Variants in PAAF1 observed in about 807,000 individuals in gnomAD.
The protein encoded by PAAF1 is proteasomal ATPase-associated factor 1.
Under a neutral mutation model 52.8 loss-of-function variants are expected in PAAF1, and 46 were observed. The ratio of observed to expected loss-of-function variants is 0.87; its 90% CI spans 0.69 to 1.11. The LOEUF is 1.11. Among genes scored for constraint, PAAF1 ranks in the 50% most tolerant of loss-of-function variants. The pLI, the probability that PAAF1 is intolerant of heterozygous loss-of-function variation, is 0.00. For missense variants in PAAF1, 424 were observed against 477.4 expected (o/e 0.89, Z 1.04); for synonymous variants, 178 against 172.8 (o/e 1.03, Z -0.24).
chr11:73,899,550 T>C (rs1321008085), intron 5 of PAAF1, among the ~76,000 whole-genome samples: 1 of 152,014 alleles, frequency 6.6e-6, no homozygotes, highest in Admixed American at 6.6e-5. Context: ...TAGCTGAGAT[T>C]ACAGGCATGT....
chr11:73,892,325 CAA>C (rs150332375), intron 4 of PAAF1, among the ~76,000 whole-genome samples: 20 of 81,778 alleles, frequency 2.4e-4, no homozygotes, highest in Admixed American at 4.1e-4. Flanking sequence ...ACTGTCTCAC[CAA>C]AAAAAAAAAA....
rs941376744 is a variant in PAAF1 at position 73,927,590 on chromosome 11, G to A, written c.*228G>A. The A allele has an allele frequency of 6.2e-5, 36 of 580,414 alleles. No homozygotes were observed. The highest frequency in any genetic ancestry group is 5.2e-4 in the African/African-American group (28 of 53,474). The allele number at this position is 580,414 out of a possible 1,614,324, so 36.0% of individuals were successfully genotyped here. ...ACTGCATTTGTTCCAACTTCTCCTT[G>A]TATAAACTCACCCCAGCAACACAGG... On this transcript the variant is annotated 3_prime_UTR_variant, in exon 12 of 12. Transcript: ENST00000310571.
chr11:73,917,122 GC>G (rs1950089418), intron 9 of PAAF1, among the ~76,000 whole-genome samples: 1 of 152,132 alleles, frequency 6.6e-6, no homozygotes, highest in Admixed American at 6.6e-5. Flanking sequence ...CCGGGTTCAA[GC>G]AATTCTCCTG....
intron 11 of PAAF1, among the ~76,000 whole-genome samples, chr11:73,925,634 T>G (rs915341322): frequency 6.6e-6 from 1 of 152,194 alleles, no homozygotes; most frequent in Non-Finnish European, 1.5e-5. Flanking sequence ...ACTTCTAGAC[T>G]GATTTTTTCA....
chr11:73,889,196 C>G, intron 3 of PAAF1: 1 of 1,504,226 alleles, frequency 6.6e-7, no homozygotes, highest in Non-Finnish European at 8.9e-7. Flanking sequence ...TTTATCACTT[C>G]AAACATGATT....
At chr11:73,916,409 A>C (rs558946842) in intron 8 of PAAF1, 136 bp from the exon 9 acceptor site, 1 of 623,420 alleles carries the variant, frequency 1.6e-6, no homozygotes, top group African/African-American at 1.8e-5. Flanking sequence ...TGTGTAATTT[A>C]CCATTTGAGA....
intron 6 of PAAF1, among the ~76,000 whole-genome samples, chr11:73,908,721 A>G (rs1412428664): frequency 6.6e-6 from 1 of 151,906 alleles, no homozygotes; most frequent in Non-Finnish European, 1.5e-5. Context: ...TTCAAACTGA[A>G]TTAGCTTAGG....
At chr11:73,896,971 C>CG (rs1379035125) in intron 4 of PAAF1, among the ~76,000 whole-genome samples, 6 of 131,728 alleles carry the variant, frequency 4.6e-5, no homozygotes, top group East Asian at 2.4e-4. Flanking sequence ...GCTGGCCGGG[C>CG]GGGGGGGCTG....
chr11:73,878,742 T>C, intron 1 of PAAF1, 37 bp from the exon 2 acceptor site: 1 of 1,603,896 alleles, frequency 6.2e-7, no homozygotes, highest in Non-Finnish European at 8.5e-7. Flanking sequence ...TATTCAACTT[T>C]GGGTAAGCCT....
At chr11:73,878,713 C>G in intron 1 of PAAF1, 66 bp from the exon 2 acceptor site, 1 of 1,461,432 alleles carries the variant, frequency 6.8e-7, no homozygotes, top group Non-Finnish European at 9.5e-7. Context: ...TTCTTTCTTC[C>G]CTTGTAACTA....
At position 73,924,672 on chromosome 11, in the gene PAAF1, G is replaced by C; in HGVS notation, c.1076G>C (p.Gly359Ala). The C allele has an allele frequency of 6.2e-7, 1 of 1,613,962 alleles. No homozygotes were observed. The highest frequency in any genetic ancestry group is 8.5e-7 in the Non-Finnish European group (1 of 1,179,914). ...QDLDYVTELT[G>A]ADCDPVYKVA... is the part of the protein sequence containing the mutation. The stretch of plus-strand genomic sequence containing the variant: ...TTAGACTATGTCACTGAGCTCACTG[G>C]GGCTGACTGTGACCCTGTGTACAAG... Residue 359 changes from glycine to alanine, a missense_variant, in exon 11 of 12, where the codon GGG (glycine) becomes GCG (alanine). By Grantham distance (60) the Gly-to-Ala change is moderately conservative. Coordinates refer to ENST00000310571, the MANE Select transcript of PAAF1 (RefSeq NM_025155.3).
chr11:73,922,617 A>C (rs1029128937), intron 10 of PAAF1, among the ~76,000 whole-genome samples: 2 of 152,114 alleles, frequency 1.3e-5, no homozygotes, highest in Admixed American at 6.5e-5. Context: ...GGAGATCGAG[A>C]CCATCCTGGC....
At chr11:73,922,229 T>C (rs974502555) in intron 10 of PAAF1, 95 of 666,918 alleles carry the variant, frequency 1.4e-4, no homozygotes, top group Non-Finnish European at 1.7e-4. Context: ...GAGGAGCAGA[T>C]TTTTTGTACT....
At chr11:73,914,265 C>A in intron 7 of PAAF1, 148 bp from the exon 8 acceptor site, 1 of 600,238 alleles carries the variant, frequency 1.7e-6, no homozygotes, top group Non-Finnish European at 3.0e-6. Flanking sequence ...TAAATAATAC[C>A]ACAGTGAGAT....
chr11:73,900,229 G>A (rs1430775127), intron 5 of PAAF1, 41 bp from the exon 6 acceptor site: 2 of 1,554,040 alleles, frequency 1.3e-6, no homozygotes, highest in African/African-American at 1.4e-5. Flanking sequence ...ATCAAGGGAT[G>A]GACAAGAGAA....
At chr11:73,888,178 G>A (rs187904946) in intron 3 of PAAF1, among the ~76,000 whole-genome samples, 3 of 152,170 alleles carry the variant, frequency 2.0e-5, no homozygotes, top group African/African-American at 7.2e-5. Flanking sequence ...AAAACTCCAT[G>A]TATATTTTAC....
chr11:73,882,701 C>A (rs904784080), intron 2 of PAAF1, among the ~76,000 whole-genome samples: 1 of 152,126 alleles, frequency 6.6e-6, no homozygotes, highest in Non-Finnish European at 1.5e-5. Context: ...CTTCCAGGTT[C>A]ATGCCATTCT....
chr11:73,899,442 T>G (rs1361947533), intron 5 of PAAF1, among the ~76,000 whole-genome samples, 198 bp downstream of exon 5: 4 of 148,522 alleles, frequency 2.7e-5, no homozygotes, highest in Admixed American at 6.7e-5. Flanking sequence ...GAGACAGTCT[T>G]GCTGTGTTGC....
At chr11:73,905,865 G>C (rs1388398243) in intron 6 of PAAF1, among the ~76,000 whole-genome samples, 1 of 151,998 alleles carries the variant, frequency 6.6e-6, no homozygotes, top group Non-Finnish European at 1.5e-5. Context: ...TCACTTCCGT[G>C]GAACTCAGTA....
Sources: allele counts gnomAD v4.1 joint callset (sites outside exome capture counted in the v4.1 genomes callset), GRCh38; gene constraint gnomAD v4.1.1; transcripts MANE v1.5; gene names NCBI Gene and HGNC (gene_info 2026-07-23, HGNC 2026-07-21).